The following DTX3L variants were observed in gnomAD, a reference collection of about 807,000 sequenced individuals.
DTX3L encodes the protein E3 ubiquitin-protein ligase DTX3L.
A neutral mutation model predicts 60.9 loss-of-function variants in DTX3L; 34 were observed. That is an observed-to-expected ratio of 0.56 (90% CI 0.42 to 0.74). The LOEUF (loss-of-function observed/expected upper bound fraction) is 0.74, where lower values mean the gene tolerates loss of function less well. Among genes scored for constraint, DTX3L ranks in the 30% least tolerant of loss-of-function variants. DTX3L has a pLI of 0.00. For missense variants in DTX3L, 810 were observed against 874.0 expected, an observed-to-expected ratio of 0.93 and a Z score of 0.92; for synonymous variants, 290 against 316.6, an observed-to-expected ratio of 0.92 and a Z score of 0.89.
rs2080634211 is a variant in DTX3L at position 122,570,090 on chromosome 3, GTCCTGTTGCCTATTA to G, written c.1935+67_1935+81del. ...TACGATTACCAGGGCAAAAGAGACTGTCCTGTTGCCTATTAGACAATAGATTTCCCAAGGAATTAT... is the reference window on the plus strand; with the variant it reads ...TACGATTACCAGGGCAAAAGAGACTGGACAATAGATTTCCCAAGGAATTAT... On this transcript the variant is annotated intron_variant, in intron 3 of 4. Transcript: ENST00000296161. 8 of 1,508,530 alleles carry G rather than the reference GTCCTGTTGCCTATTA, an allele frequency of 5.3e-6. No individual in the cohort carries two copies. In the South Asian group the frequency reaches 9.0e-5, roughly 17 times the overall value. The allele number at this position is 1,508,530 out of a possible 1,614,324, so 93.4% of individuals were successfully genotyped here.
In DTX3L at chr3:122,571,763, A is replaced by T. The variant is rs754576277; in HGVS notation, c.*16A>T. ...AATTGAGTAAGACAACTGCTGGAAGATGTCTTAAATCAAGCTTTCAAAAAA... is the reference window on the plus strand; with the variant it reads ...AATTGAGTAAGACAACTGCTGGAAGTTGTCTTAAATCAAGCTTTCAAAAAA... On this transcript the variant is annotated 3_prime_UTR_variant, in exon 5 of 5. Transcript: ENST00000296161. 35 of 1,600,300 alleles carry T rather than the reference A, an allele frequency of 2.2e-5. No individual in the cohort carries two copies. The South Asian group carries it at 3.8e-4, about 17-fold the overall frequency.
At chr3:122,564,809 A>G (rs534576817) in intron 1 of DTX3L, among the ~76,000 whole-genome samples, 196 bp downstream of exon 1, 67 of 152,194 alleles carry the variant, frequency 4.4e-4, no homozygotes, top group Non-Finnish European at 8.7e-4. Context: ...GGGGCCTCAC[A>G]TGTGCCTGGT....
In DTX3L at chr3:122,568,839, T is replaced by C. The variant is rs771148581; in HGVS notation, c.750T>C (p.Cys250=). The C allele has an allele frequency of 4.3e-6, 7 of 1,613,930 alleles. No individual in the cohort carries two copies. The African/African-American group carries it at 8.0e-5, about 18-fold the overall frequency. ...ACTTTGAATACTTTAAATATATCTG[T>C]CCTGATAAAATCAACTCAATAGAGA... The part of the protein sequence containing the change: ...LPYFEYFKYI[C]PDKINSIEKR... The change falls in exon 3 of 5, where the codon TGT becomes TGC. Residue 250 remains cysteine, a synonymous_variant. Coordinates refer to ENST00000296161, the MANE Select transcript of DTX3L (RefSeq NM_138287.3).
intron 2 of DTX3L, among the ~76,000 whole-genome samples, chr3:122,566,563 A>G (rs994336731): frequency 4.6e-5 from 7 of 151,156 alleles, no homozygotes; most frequent in Admixed American, 3.3e-4. Context: ...GAGTCTCACT[A>G]TGTTGCCCAG....
rs1287930826 is a variant in DTX3L, at chr3:122,574,492, A to AT, written c.*2752dup. ...AAGATACACATACACACATGTACAA[A>AT]TTTTTTTATCAGATAATAATAGCTA... is the stretch of plus-strand genomic sequence containing the variant. On this transcript the variant is annotated 3_prime_UTR_variant, in exon 5 of 5. Transcript: ENST00000296161. 4.6e-5 allele frequency: 7 copies of AT among 152,154 alleles called. No homozygotes were observed. In the East Asian group the frequency reaches 5.8e-4, roughly 13 times the overall value. The allele number at this position is 152,154 out of a possible 1,614,324, so 9.4% of individuals were successfully genotyped here.
In DTX3L at chr3:122,566,080, G is replaced by A; in HGVS notation, c.399+10G>A. The A allele has an allele frequency of 6.2e-7, 1 of 1,612,448 alleles. No individual in the cohort carries two copies. Among genetic ancestry groups the A allele is most frequent in the Non-Finnish European group, 8.5e-7 (1 of 1,178,644 alleles). The stretch of plus-strand genomic sequence containing the variant: ...TTCCTGTCTCCAAAAGGTGAGTATT[G>A]AAAGAAGGAGCTGGCTGTGCCTGCG... On this transcript the variant is annotated intron_variant, in intron 2 of 4. Coordinates refer to ENST00000296161, the MANE Select transcript of DTX3L (RefSeq NM_138287.3).
In DTX3L at chr3:122,564,562, C is replaced by G; in HGVS notation, c.136C>G (p.Gln46Glu). The G allele has an allele frequency of 6.2e-7, 1 of 1,608,336 alleles. No individual in the cohort carries two copies. Among genetic ancestry groups the G allele is most frequent in the Non-Finnish European group, 8.5e-7 (1 of 1,177,098 alleles). The change falls in exon 1 of 5, where the codon CAG becomes GAG. Residue 46 changes from glutamine to glutamate, a missense_variant. Coordinates refer to ENST00000296161, the MANE Select transcript of DTX3L (RefSeq NM_138287.3). ...CGGCGGGGAGTGCACGGTCAGCACC[C>G]AGGAACACGAAGCCCCGGGCACCTT... ...SGGGECTVST[Q>E]EHEAPGTFRV...
intron 1 of DTX3L, among the ~76,000 whole-genome samples, chr3:122,565,290 T>C (rs2080547798): frequency 6.6e-6 from 1 of 151,950 alleles, no homozygotes; most frequent in African/African-American, 2.4e-5. Flanking sequence ...GGTTGGTGGA[T>C]CACCTGAGGC....
Position 122,570,491 on chromosome 3 carries a change from A to C in DTX3L, c.1972A>C (p.Ile658Leu). Reference protein sequence around the residue: ...HPNPGKRYPGIQRTAYLPDNK... With the variant: ...HPNPGKRYPGLQRTAYLPDNK... ...AAACCCAGGAAAGAGATACCCTGGAATACAGCGAACTGCATACTTGCCTGA... is the reference window on the plus strand; with the variant it reads ...AAACCCAGGAAAGAGATACCCTGGACTACAGCGAACTGCATACTTGCCTGA... The change falls in exon 4 of 5, where the codon ATA becomes CTA. Residue 658 changes from isoleucine to leucine, a missense_variant. Coordinates refer to ENST00000296161, the MANE Select transcript of DTX3L (RefSeq NM_138287.3). 1 of 1,614,210 alleles carries C rather than the reference A, an allele frequency of 6.2e-7. No individual in the cohort carries two copies. Among genetic ancestry groups the C allele is most frequent in the Non-Finnish European group, 8.5e-7 (1 of 1,180,042 alleles).
At chr3:122,566,239 C>A (rs2080588443) in intron 2 of DTX3L, among the ~76,000 whole-genome samples, 169 bp downstream of exon 2, 1 of 152,232 alleles carries the variant, frequency 6.6e-6, no homozygotes, top group Non-Finnish European at 1.5e-5. Context: ...TGCTCTCAGG[C>A]AGCTTATACT....
chr3:122,565,276 C>G (rs2080547064), intron 1 of DTX3L, among the ~76,000 whole-genome samples: 1 of 151,902 alleles, frequency 6.6e-6, no homozygotes, highest in African/African-American at 2.4e-5. Flanking sequence ...ACTTTGGAGG[C>G]CGAGGTTGGT....
rs2080634757 is a variant in DTX3L at position 122,570,151 on chromosome 3, G to A, written c.1935+127G>A. On this transcript the variant is annotated intron_variant, in intron 3 of 4. Coordinates refer to ENST00000296161, the MANE Select transcript of DTX3L (RefSeq NM_138287.3). ...ATTATCTCCAGGGTCATGTGCAAGG[G>A]ACTGAAATAGTGGTAAAGGTCACAA... 3 of 1,014,144 alleles carry A rather than the reference G, an allele frequency of 3.0e-6. No individual in the cohort carries two copies. The African/African-American group carries it at 4.8e-5, about 16-fold the overall frequency. The allele number at this position is 1,014,144 out of a possible 1,614,324, so 62.8% of individuals were successfully genotyped here.
intron 1 of DTX3L, among the ~76,000 whole-genome samples, chr3:122,565,382 C>T (rs757026795): frequency 1.3e-5 from 2 of 151,592 alleles, no homozygotes; most frequent in African/African-American, 2.4e-5. Context: ...CATGGTGGTG[C>T]GCACCTGTAA....
In DTX3L at chr3:122,569,425, T is replaced by TTGAG; in HGVS notation, c.1336_1337insTGAG (p.Cys446LeufsTer28). 1 of 1,614,212 alleles carries TTGAG rather than the reference T, an allele frequency of 6.2e-7. No homozygotes were observed. Among genetic ancestry groups the TTGAG allele is most frequent in the Non-Finnish European group, 8.5e-7 (1 of 1,180,032 alleles). On this transcript the variant is annotated frameshift_variant, in exon 3 of 5. Transcript: ENST00000296161. LOFTEE classifies it high-confidence loss of function. ...CATCGATGCCTTTCAACATGCCTCATGTCAGTTGATGAGAGAAGTTCTTTT... is the reference window on the plus strand; with the variant it reads ...CATCGATGCCTTTCAACATGCCTCATTGAGGTCAGTTGATGAGAGAAGTTCTTTT...
At chr3:122,570,417 G>A (rs766527355) in intron 3 of DTX3L, 38 bp from the exon 4 acceptor site, 2 of 1,598,814 alleles carry the variant, frequency 1.3e-6, no homozygotes, top group Non-Finnish European at 1.7e-6. Flanking sequence ...ATTAGACAGG[G>A]CACTCTTTTC....
intron 4 of DTX3L, among the ~76,000 whole-genome samples, chr3:122,571,415 G>A (rs2080644866): frequency 6.6e-6 from 1 of 152,188 alleles, no homozygotes; most frequent in Non-Finnish European, 1.5e-5. Flanking sequence ...GATGCGAAAT[G>A]TAATAAATAC....
rs775815555 is a variant in DTX3L at position 122,564,406 on chromosome 3, G to T, written c.-21G>T. The T allele has an allele frequency of 6.3e-7, 1 of 1,596,874 alleles. No individual in the cohort carries two copies. Among genetic ancestry groups the T allele is most frequent in the Admixed American group, 1.8e-5 (1 of 56,912 alleles). On this transcript the variant is annotated 5_prime_UTR_variant, in exon 1 of 5. Transcript: ENST00000296161. ...CCCAGCTGCCTCCCGGAGCCCCCGC[G>T]CCCTCCCGACGCGCAGAGCCATGGC...
Position 122,570,443 on chromosome 3 carries a change from G to T in DTX3L, c.1936-12G>T. ...CACTCTTTTCACATGACATTTTCTT[G>T]TTCTCACACAGGAAGAACACCCAAA... On this transcript the variant is annotated splice_polypyrimidine_tract_variant and intron_variant, in intron 3 of 4. Transcript: ENST00000296161. 1 of 1,613,566 alleles carries T rather than the reference G, an allele frequency of 6.2e-7. No individual in the cohort carries two copies. The highest frequency in any genetic ancestry group is 1.3e-5 in the African/African-American group (1 of 74,986).
In DTX3L at chr3:122,572,165, A is replaced by G. The variant is rs4678198; in HGVS notation, c.*418A>G. 0.94 allele frequency: 150,709 copies of G among 161,116 alleles called. 70,613 individuals carry two copies. The highest frequency in any genetic ancestry group is 0.97 in the East Asian group (5,590 of 5,768). The allele number at this position is 161,116 out of a possible 1,614,324, so 10.0% of individuals were successfully genotyped here. Reference sequence around the variant, plus strand: ...CCTGACCTCGTGATCCGCCCGCCTCAGCCTTCCAAAGTGTTGGGATTATAG... The same window carrying G: ...CCTGACCTCGTGATCCGCCCGCCTCGGCCTTCCAAAGTGTTGGGATTATAG... On this transcript the variant is annotated 3_prime_UTR_variant, in exon 5 of 5. Coordinates refer to ENST00000296161, the MANE Select transcript of DTX3L (RefSeq NM_138287.3).
Sources: allele counts gnomAD v4.1 joint callset (sites outside exome capture counted in the v4.1 genomes callset), GRCh38; gene constraint gnomAD v4.1.1; transcripts MANE v1.5; gene names NCBI Gene and HGNC (gene_info 2026-07-23, HGNC 2026-07-21).